Variants in ANO3 observed in about 807,000 individuals in gnomAD.
The protein encoded by ANO3 is anoctamin 3, also known as anoctamin-3.
In ANO3, 99 loss-of-function variants were observed where a neutral mutation model predicts 144.8. The observed-to-expected ratio is 0.68, with a 90% confidence interval of 0.58 to 0.81. The LOEUF is 0.81. Among genes scored for constraint, ANO3 ranks in the 30% least tolerant of loss-of-function variants. ANO3 has a pLI of 0.00. For missense variants in ANO3, 905 were observed against 1,202.2 expected, an observed-to-expected ratio of 0.75 and a Z score of 3.66; for synonymous variants, 414 against 392.6, an observed-to-expected ratio of 1.05 and a Z score of -0.64.
At chr11:26,360,060 T>A (rs4244523) in intron 1 of ANO3, among the ~76,000 whole-genome samples, 86,880 of 151,426 alleles carry the variant, frequency 0.57, 25,566 homozygotes, top group East Asian at 0.9. Context: ...TTATTCCCAT[T>A]ATCCTATTTT....
chr11:26,319,166 G>T (rs369178561), intron 1 of ANO3, among the ~76,000 whole-genome samples: 1 of 140,470 alleles, frequency 7.1e-6, no homozygotes, highest in Admixed American at 6.8e-5. Context: ...TATTATTATC[G>T]TTATTATTAT....
At chr11:26,289,494 C>A (rs1179881087) in intron 1 of ANO3, among the ~76,000 whole-genome samples, 1 of 145,702 alleles carries the variant, frequency 6.9e-6, no homozygotes, top group Non-Finnish European at 1.5e-5. Flanking sequence ...ACATTATTAC[C>A]TTTGATTCTA....
chr11:26,437,656 G>A (rs1209515661), intron 1 of ANO3, among the ~76,000 whole-genome samples: 1 of 151,816 alleles, frequency 6.6e-6, no homozygotes, highest in Non-Finnish European at 1.5e-5. Flanking sequence ...GTCTTGGCCA[G>A]CCCCTCCATA....
Position 26,660,240 on chromosome 11 carries a change from C to T in ANO3, c.2764-22C>T, listed in dbSNP as rs750660980. 3 of 1,606,396 alleles carry T rather than the reference C, an allele frequency of 1.9e-6. No individual in the cohort carries two copies. The South Asian group carries it at 3.3e-5, about 18-fold the overall frequency. ...CATTTCAGAATCTTTGAAAACTGTC[C>T]TTTTCACATTTAAATTTGCAGCACC... is the stretch of plus-strand genomic sequence containing the variant. On this transcript the variant is annotated intron_variant, in intron 26 of 26. Transcript: ENST00000256737.
At chr11:26,407,262 T>C (rs1443147677) in intron 1 of ANO3, among the ~76,000 whole-genome samples, 2 of 151,464 alleles carry the variant, frequency 1.3e-5, no homozygotes, top group East Asian at 2.0e-4. Flanking sequence ...ATTTGTTCTA[T>C]TACTTTGAGT....
chr11:26,388,703 A>T (rs972848280), intron 1 of ANO3, among the ~76,000 whole-genome samples: 2 of 152,136 alleles, frequency 1.3e-5, no homozygotes, highest in African/African-American at 4.8e-5. Context: ...ATCATGACTG[A>T]TTTTTTATAT....
At chr11:26,344,888 T>G (rs757973834) in intron 1 of ANO3, among the ~76,000 whole-genome samples, 14 of 152,194 alleles carry the variant, frequency 9.2e-5, no homozygotes, top group Non-Finnish European at 1.6e-4. Context: ...CTCTAGAGTT[T>G]AAATCATGGA....
intron 1 of ANO3, among the ~76,000 whole-genome samples, chr11:26,190,969 A>G (rs915595557): frequency 1.8e-4 from 27 of 152,302 alleles, no homozygotes; most frequent in Admixed American, 1.7e-3. Flanking sequence ...TTGTATGCAT[A>G]TTGGTTAATA....
intron 4 of ANO3, among the ~76,000 whole-genome samples, chr11:26,469,374 G>A (rs1357273574): frequency 6.6e-6 from 1 of 151,674 alleles, no homozygotes; most frequent in African/African-American, 2.4e-5. Context: ...TTATGATAAA[G>A]GTAGCATTTC....
intron 17 of ANO3, among the ~76,000 whole-genome samples, chr11:26,615,365 T>G (rs1310646973): frequency 6.7e-6 from 1 of 148,922 alleles, no homozygotes. Context: ...TCCCCTGGCT[T>G]TCGCAATACT....
At chr11:26,534,739 T>C (rs1590478831) in intron 9 of ANO3, among the ~76,000 whole-genome samples, 177 bp downstream of exon 9, 1 of 152,286 alleles carries the variant, frequency 6.6e-6, no homozygotes, top group East Asian at 1.9e-4. Context: ...CAAAAAAAAC[T>C]TTTTTGAGGG....
At chr11:26,557,482 A>G (rs1318901733) in intron 13 of ANO3, among the ~76,000 whole-genome samples, 1 of 151,112 alleles carries the variant, frequency 6.6e-6, no homozygotes, top group Non-Finnish European at 1.5e-5. Context: ...AAAAAAGTTG[A>G]ACAAAATGCT....
chr11:26,580,532 G>A (rs1258142740), intron 14 of ANO3, among the ~76,000 whole-genome samples: 2 of 152,090 alleles, frequency 1.3e-5, no homozygotes, highest in Non-Finnish European at 2.9e-5. Flanking sequence ...TAGAACATAT[G>A]TAAATTAACA....
At chr11:26,615,960 A>G (rs1299573003) in intron 17 of ANO3, among the ~76,000 whole-genome samples, 1 of 152,178 alleles carries the variant, frequency 6.6e-6, no homozygotes, top group Non-Finnish European at 1.5e-5. Context: ...AAAGAGAATC[A>G]CTGTTTTGTA....
chr11:26,411,064 C>G (rs867459339), intron 1 of ANO3, among the ~76,000 whole-genome samples: 1 of 151,976 alleles, frequency 6.6e-6, no homozygotes, highest in African/African-American at 2.4e-5. Context: ...CATTTCCTAA[C>G]TTCAATGGGA....
intron 14 of ANO3, among the ~76,000 whole-genome samples, chr11:26,569,150 C>A (rs955154892): frequency 6.6e-6 from 1 of 152,010 alleles, no homozygotes; most frequent in African/African-American, 2.4e-5. Context: ...TCCTGTTTCA[C>A]CTTGCCTGTG....
chr11:26,193,881 G>A (rs1851526340), intron 1 of ANO3, among the ~76,000 whole-genome samples: 1 of 152,094 alleles, frequency 6.6e-6, no homozygotes, highest in African/African-American at 2.4e-5. Flanking sequence ...TGTAAACTTT[G>A]CAGCAGATAA....
chr11:26,637,214 T>C (rs1444272830), intron 20 of ANO3, among the ~76,000 whole-genome samples: 17 of 152,196 alleles, frequency 1.1e-4, no homozygotes, highest in Admixed American at 9.8e-4. Flanking sequence ...AGGCTTAATT[T>C]CAACAAAATT....
intron 1 of ANO3, among the ~76,000 whole-genome samples, chr11:26,334,512 T>C (rs1473047671): frequency 1.3e-5 from 2 of 152,248 alleles, no homozygotes; most frequent in African/African-American, 2.4e-5. Context: ...AGTGGAACTC[T>C]GTACTCCTAG....
Sources: allele counts gnomAD v4.1 joint callset (sites outside exome capture counted in the v4.1 genomes callset), GRCh38; gene constraint gnomAD v4.1.1; transcripts MANE v1.5; gene names NCBI Gene and HGNC (gene_info 2026-07-23, HGNC 2026-07-21).